The following MDFIC2 variants were observed in gnomAD, a reference collection of about 807,000 sequenced individuals.
MDFIC2 encodes myoD family inhibitor domain-containing protein 2.
chr3:70,214,740 A>G (rs898048115), intron 2 of MDFIC2, among the ~76,000 whole-genome samples: 27 of 152,170 alleles, frequency 1.8e-4, no homozygotes, highest in African/African-American at 5.8e-4. Context: ...GTAACGAGGA[A>G]CAATTGACTC....
intron 2 of MDFIC2, among the ~76,000 whole-genome samples, chr3:70,220,065 A>G (rs1383759480): frequency 6.6e-6 from 1 of 152,168 alleles, no homozygotes; most frequent in African/African-American, 2.4e-5. Flanking sequence ...CAGGCAAGGA[A>G]AACTAGATCA....
chr3:70,246,298 A>C (rs182817777), intron 2 of MDFIC2, among the ~76,000 whole-genome samples: 27 of 152,236 alleles, frequency 1.8e-4, no homozygotes, highest in African/African-American at 6.5e-4. Flanking sequence ...TTACTTGAGC[A>C]ACATGTCAGA....
rs144515796 is a variant in MDFIC2 at position 70,278,889 on chromosome 3, G to A, written c.88+32997C>T. ...AAACAAATGAAATAACAATTGTAAC[G>A]TAGAGAGCTAGTGTTTGACATGTAT... On this transcript the variant is annotated intron_variant, in intron 2 of 3. Coordinates refer to ENST00000567252, the MANE Select transcript of MDFIC2 (RefSeq NM_001364677.1). 1.6e-3 allele frequency among the ~76,000 whole-genome samples: 239 copies of A among 151,682 alleles called. 1 individual carries two copies. Among genetic ancestry groups the A allele is most frequent in the African/African-American group, 5.0e-3 (208 of 41,352 alleles).
At chr3:70,197,281 A>C in intron 3 of MDFIC2, 96 bp from the exon 4 acceptor site, 1 of 397,224 alleles carries the variant, frequency 2.5e-6, no homozygotes, top group Non-Finnish European at 4.4e-6. Context: ...TTGATAGCCA[A>C]CTCTTAATTA....
chr3:70,201,725 A>G (rs749127863), intron 3 of MDFIC2, among the ~76,000 whole-genome samples: 10 of 152,148 alleles, frequency 6.6e-5, no homozygotes, highest in African/African-American at 1.4e-4. Flanking sequence ...CTTCTGACAC[A>G]CTTGAGCATG....
Position 70,278,756 on chromosome 3 carries a change from A to G in MDFIC2, c.88+33130T>C, listed in dbSNP as rs1702052429. 2.6e-5 allele frequency among the ~76,000 whole-genome samples: 4 copies of G among 152,252 alleles called. No homozygotes were observed. In the South Asian group the frequency reaches 8.3e-4, roughly 32 times the overall value. ...ACATCTAAGTTGGTGCTCTATTTCT[A>G]CCAAGTAATAACTAGGAGGCCTTAA... is the stretch of plus-strand genomic sequence containing the variant. On this transcript the variant is annotated intron_variant, in intron 2 of 3. Coordinates refer to ENST00000567252, the MANE Select transcript of MDFIC2 (RefSeq NM_001364677.1).
At chr3:70,289,179 A>T (rs1287956577) in intron 2 of MDFIC2, among the ~76,000 whole-genome samples, 1 of 148,600 alleles carries the variant, frequency 6.7e-6, no homozygotes, top group Non-Finnish European at 1.5e-5. Flanking sequence ...TTTTGGCATG[A>T]TTTTGCAGCG....
At chr3:70,298,121 A>G (rs1702307439) in intron 2 of MDFIC2, among the ~76,000 whole-genome samples, 1 of 152,136 alleles carries the variant, frequency 6.6e-6, no homozygotes, top group Admixed American at 6.6e-5. Flanking sequence ...TGGTTTGACC[A>G]GATAAGGATA....
chr3:70,308,787 T>C (rs369315186), intron 2 of MDFIC2, among the ~76,000 whole-genome samples: 3 of 152,144 alleles, frequency 2.0e-5, no homozygotes, highest in Non-Finnish European at 2.9e-5. Flanking sequence ...TTAGAAATAA[T>C]AGCAGTACTC....
chr3:70,254,877 T>C (rs1553649070), intron 2 of MDFIC2, among the ~76,000 whole-genome samples: 1 of 152,202 alleles, frequency 6.6e-6, no homozygotes, highest in Non-Finnish European at 1.5e-5. Context: ...GAGAGCATAT[T>C]ATATAAAATT....
intron 2 of MDFIC2, among the ~76,000 whole-genome samples, chr3:70,305,330 A>C (rs766358766): frequency 7.2e-5 from 11 of 152,212 alleles, no homozygotes; most frequent in Admixed American, 4.6e-4. Flanking sequence ...TGAGTTAATG[A>C]AAACTACAGA....
chr3:70,229,305 A>G (rs570045356), intron 2 of MDFIC2, among the ~76,000 whole-genome samples: 2 of 152,328 alleles, frequency 1.3e-5, no homozygotes, highest in African/African-American at 4.8e-5. Context: ...GTCAGTGCCT[A>G]TATTAGGAAT....
intron 2 of MDFIC2, among the ~76,000 whole-genome samples, chr3:70,252,990 G>A (rs1467742058): frequency 1.3e-5 from 2 of 152,068 alleles, no homozygotes; most frequent in East Asian, 1.9e-4. Context: ...TGAGGCAAGA[G>A]AATCGCTTGA....
At chr3:70,298,770 AAGT>A (rs750034310) in intron 2 of MDFIC2, among the ~76,000 whole-genome samples, 20 of 152,120 alleles carry the variant, frequency 1.3e-4, no homozygotes, top group Non-Finnish European at 2.6e-4. Flanking sequence ...AGCCATCTTC[AAGT>A]AGATTTCAAA....
intron 2 of MDFIC2, among the ~76,000 whole-genome samples, chr3:70,250,091 C>T (rs1701746114): frequency 6.6e-6 from 1 of 152,060 alleles, no homozygotes; most frequent in South Asian, 2.1e-4. Flanking sequence ...TTTTACATCC[C>T]TTCTTCTATT....
At chr3:70,284,326 G>T (rs1265153397) in intron 2 of MDFIC2, among the ~76,000 whole-genome samples, 2 of 152,128 alleles carry the variant, frequency 1.3e-5, no homozygotes, top group Non-Finnish European at 2.9e-5. Flanking sequence ...AGTTAGCCTT[G>T]TTCCAAGTTG....
intron 2 of MDFIC2, among the ~76,000 whole-genome samples, chr3:70,253,285 A>G (rs1701786263): frequency 6.6e-6 from 1 of 152,088 alleles, no homozygotes; most frequent in Non-Finnish European, 1.5e-5. Flanking sequence ...AGGGAAGACC[A>G]TTTTATTTAT....
intron 2 of MDFIC2, among the ~76,000 whole-genome samples, chr3:70,285,383 G>C (rs1702149835): frequency 6.6e-6 from 1 of 151,940 alleles, no homozygotes; most frequent in African/African-American, 2.4e-5. Context: ...CAAAGGACAT[G>C]AACTCATCAG....
chr3:70,241,272 A>G (rs981230156), intron 2 of MDFIC2, among the ~76,000 whole-genome samples: 1 of 152,210 alleles, frequency 6.6e-6, no homozygotes, highest in Non-Finnish European at 1.5e-5. Flanking sequence ...GGAGGCAAAC[A>G]TAAAATCAAA....
Sources: allele counts gnomAD v4.1 joint callset (sites outside exome capture counted in the v4.1 genomes callset), GRCh38; gene constraint gnomAD v4.1.1; transcripts MANE v1.5; gene names NCBI Gene and HGNC (gene_info 2026-07-23, HGNC 2026-07-21).